The following PKNOX1 variants were observed in gnomAD, a reference collection of about 807,000 sequenced individuals.
PKNOX1 encodes the protein PBX/knotted 1 homeobox 1, also known as homeobox protein PKNOX1.
In PKNOX1, 15 loss-of-function variants were observed where a neutral mutation model predicts 51.9. That is an observed-to-expected ratio of 0.29 (90% CI 0.19 to 0.45). PKNOX1 has a LOEUF of 0.45. PKNOX1 is among the 20% of genes least tolerant of loss of function. The pLI, the probability that PKNOX1 is intolerant of heterozygous loss-of-function variation, is 1.00. For missense variants in PKNOX1, 462 were observed against 547.5 expected (o/e 0.84, Z 1.56); for synonymous variants, 219 against 211.1 (o/e 1.04, Z -0.32).
chr21:42,979,659 G>A (rs963139566), intron 1 of PKNOX1, among the ~76,000 whole-genome samples: 34 of 152,138 alleles, frequency 2.2e-4, no homozygotes, highest in African/African-American at 7.7e-4. Flanking sequence ...GGAGAATGGC[G>A]TGAACCCAGG....
intron 1 of PKNOX1, among the ~76,000 whole-genome samples, chr21:42,986,304 C>T (rs1017051380): frequency 3.9e-5 from 6 of 152,012 alleles, no homozygotes; most frequent in African/African-American, 1.5e-4. Context: ...AGTTAAAGAC[C>T]GTCTTGGCCA....
At chr21:42,985,867 G>A (rs1047894163) in intron 1 of PKNOX1, among the ~76,000 whole-genome samples, 1 of 151,972 alleles carries the variant, frequency 6.6e-6, no homozygotes, top group Non-Finnish European at 1.5e-5. Context: ...TGGTCATGGT[G>A]GCGGGTGCCT....
At chr21:43,018,871 C>T (rs561907259) in intron 7 of PKNOX1, among the ~76,000 whole-genome samples, 3 of 152,128 alleles carry the variant, frequency 2.0e-5, no homozygotes, top group South Asian at 2.1e-4. Context: ...GGACAGATCA[C>T]GAGGTCAGGA....
At chr21:42,981,809 C>T (rs1253591039) in intron 1 of PKNOX1, among the ~76,000 whole-genome samples, 1 of 152,134 alleles carries the variant, frequency 6.6e-6, no homozygotes, top group Non-Finnish European at 1.5e-5. Context: ...AGCAGGCTGA[C>T]TTCAAGTTGG....
chr21:43,010,015 A>G, intron 3 of PKNOX1, 38 bp from the exon 4 acceptor site: 1 of 1,375,270 alleles, frequency 7.3e-7, no homozygotes, highest in South Asian at 1.4e-5. Context: ...ACGGAGATGT[A>G]GAACGTAAAT....
intron 3 of PKNOX1, among the ~76,000 whole-genome samples, chr21:43,009,757 A>C (rs1979165158): frequency 6.6e-6 from 1 of 152,172 alleles, no homozygotes; most frequent in Non-Finnish European, 1.5e-5. Flanking sequence ...AGGAGAGGCA[A>C]ATATATAGAG....
chr21:43,016,870 T>G, intron 5 of PKNOX1, 38 bp from the exon 6 acceptor site: 1 of 1,368,552 alleles, frequency 7.3e-7, no homozygotes, highest in South Asian at 1.2e-5. Flanking sequence ...TTTTCCGTTT[T>G]CTAGTAATTC....
chr21:43,005,412 T>C (rs1272519029), intron 2 of PKNOX1, among the ~76,000 whole-genome samples: 1 of 108,630 alleles, frequency 9.2e-6, no homozygotes, highest in Non-Finnish European at 1.9e-5. Context: ...TTTTTGTTGT[T>C]GGTGGTGGTG....
At chr21:43,004,521 C>A in intron 2 of PKNOX1, 89 bp downstream of exon 2, 1 of 880,670 alleles carries the variant, frequency 1.1e-6, no homozygotes, top group Non-Finnish European at 1.9e-6. Flanking sequence ...AATTCAATTG[C>A]CATGAGGTTG....
intron 1 of PKNOX1, among the ~76,000 whole-genome samples, chr21:42,994,712 CG>C (rs1978413705): frequency 6.6e-6 from 1 of 151,932 alleles, no homozygotes; most frequent in Non-Finnish European, 1.5e-5. Context: ...ACATTGAGCA[CG>C]TACTTCTCAA....
intron 7 of PKNOX1, among the ~76,000 whole-genome samples, chr21:43,019,175 T>C (rs1979642494): frequency 6.6e-6 from 1 of 151,624 alleles, no homozygotes; most frequent in Non-Finnish European, 1.5e-5. Context: ...GGTGGATCTC[T>C]TGAGGTTAGG....
intron 1 of PKNOX1, among the ~76,000 whole-genome samples, chr21:42,987,158 G>C (rs2059056119): frequency 6.6e-6 from 1 of 151,882 alleles, no homozygotes; most frequent in Non-Finnish European, 1.5e-5. Context: ...AAAGTGGGCA[G>C]ATCACCTGAG....
At position 42,975,269 on chromosome 21, in the gene PKNOX1, C is replaced by G. The variant is rs868731039; in HGVS notation, c.-57+605C>G. Among the ~76,000 whole-genome samples the G allele has an allele frequency of 6.3e-5, 9 of 143,154 alleles. No individual in the cohort carries two copies. In the South Asian group the frequency reaches 1.1e-3, roughly 17 times the overall value. 93.9% of individuals were successfully genotyped at this position (143,154 alleles called of 152,430 possible). A position where few individuals can be genotyped will look rare whatever the true frequency, so the allele number is the denominator to read the frequency against. On this transcript the variant is annotated intron_variant, in intron 1 of 10. Coordinates refer to ENST00000291547, the MANE Select transcript of PKNOX1 (RefSeq NM_004571.5). ...ACCCCGGCCCCGGCCTCGGCCGTGGCGAGCGGGTGGGTCGGGGTCCTGGGG... is the reference window on the plus strand; with the variant it reads ...ACCCCGGCCCCGGCCTCGGCCGTGGGGAGCGGGTGGGTCGGGGTCCTGGGG...
chr21:43,015,895 T>G (rs944832592), intron 5 of PKNOX1, among the ~76,000 whole-genome samples: 3 of 152,158 alleles, frequency 2.0e-5, no homozygotes, highest in Admixed American at 6.5e-5. Flanking sequence ...TTTTTTTGGT[T>G]GTTTTTCTGT....
intron 1 of PKNOX1, among the ~76,000 whole-genome samples, chr21:43,000,995 G>A (rs1435000502): frequency 6.6e-6 from 1 of 152,198 alleles, no homozygotes; most frequent in Non-Finnish European, 1.5e-5. Context: ...AGGTGATGGC[G>A]CTGAATTAGA....
chr21:42,979,841 A>G (rs1415784146), intron 1 of PKNOX1, among the ~76,000 whole-genome samples: 2 of 152,264 alleles, frequency 1.3e-5, no homozygotes, highest in African/African-American at 4.8e-5. Flanking sequence ...GCCTTCTGGC[A>G]CGCTGCTTTC....
intron 7 of PKNOX1, among the ~76,000 whole-genome samples, chr21:43,020,764 A>T (rs944436952): frequency 4.6e-5 from 7 of 152,042 alleles, no homozygotes; most frequent in African/African-American, 1.7e-4. Context: ...ACATGTTCTC[A>T]CTGACCTCGC....
At chr21:43,014,649 A>G (rs943114163) in intron 5 of PKNOX1, among the ~76,000 whole-genome samples, 2 of 152,174 alleles carry the variant, frequency 1.3e-5, no homozygotes, top group African/African-American at 4.8e-5. Flanking sequence ...AGGTCTCACT[A>G]TGTTGCCCAG....
In PKNOX1 at chr21:43,031,456, G is replaced by A. The variant is rs1980267873; in HGVS notation, c.*1355G>A. ...TGACCACGTGAGATTTGGAATAACT[G>A]TAGGACTTCTGTTTCCTGGTAACAA... On this transcript the variant is annotated 3_prime_UTR_variant, in exon 11 of 11. Coordinates refer to ENST00000291547, the MANE Select transcript of PKNOX1 (RefSeq NM_004571.5). The A allele has an allele frequency of 6.6e-6, 1 of 152,276 alleles. No individual in the cohort carries two copies. The highest frequency in any genetic ancestry group is 1.5e-5 in the Non-Finnish European group (1 of 68,060). The allele number at this position is 152,276 out of a possible 1,614,324, so 9.4% of individuals were successfully genotyped here. A position where few individuals can be genotyped will look rare whatever the true frequency, so the allele number is the denominator to read the frequency against.
Sources: allele counts gnomAD v4.1 joint callset (sites outside exome capture counted in the v4.1 genomes callset), GRCh38; gene constraint gnomAD v4.1.1; transcripts MANE v1.5; gene names NCBI Gene and HGNC (gene_info 2026-07-23, HGNC 2026-07-21).